NKAIN3: variants seen among roughly 807,000 people sequenced by gnomAD.
NKAIN3 encodes the protein sodium/potassium-transporting ATPase subunit beta-1-interacting protein 3.
Under a neutral mutation model 30.2 loss-of-function variants are expected in NKAIN3, and 25 were observed. That is an observed-to-expected ratio of 0.83 (90% CI 0.60 to 1.16). The LOEUF (loss-of-function observed/expected upper bound fraction) is 1.16, where lower values mean the gene tolerates loss of function less well. Among genes scored for constraint, NKAIN3 ranks in the 50% most tolerant of loss-of-function variants. NKAIN3 has a pLI of 0.00. For synonymous variants in NKAIN3, 91 were observed against 89.6 expected (o/e 1.02, Z -0.09); for missense variants, 225 against 254.1 (o/e 0.89, Z 0.78).
At chr8:62,331,070 T>G (rs1158157625) in intron 1 of NKAIN3, among the ~76,000 whole-genome samples, 5 of 148,020 alleles carry the variant, frequency 3.4e-5, no homozygotes, top group Non-Finnish European at 7.4e-5. Flanking sequence ...CTCCTCTCTC[T>G]CTCTCTCTGT....
At chr8:62,713,206 G>A (rs1461771801) in intron 3 of NKAIN3, among the ~76,000 whole-genome samples, 1 of 152,156 alleles carries the variant, frequency 6.6e-6, no homozygotes, top group Non-Finnish European at 1.5e-5. Context: ...TGCCACCAGG[G>A]TGCACACACA....
intron 4 of NKAIN3, among the ~76,000 whole-genome samples, chr8:62,917,363 G>A (rs1458783607): frequency 4.6e-5 from 7 of 152,284 alleles, no homozygotes; most frequent in African/African-American, 1.7e-4. Context: ...GTGCCCGCTG[G>A]GTGGGAGGAA....
intron 3 of NKAIN3, among the ~76,000 whole-genome samples, chr8:62,737,218 G>A (rs898522892): frequency 6.6e-6 from 1 of 152,172 alleles, no homozygotes; most frequent in Non-Finnish European, 1.5e-5. Context: ...AGTTGTGCCT[G>A]CTGTCTGCCA....
intron 4 of NKAIN3, among the ~76,000 whole-genome samples, chr8:62,830,346 T>C (rs1819158033): frequency 6.6e-6 from 1 of 152,146 alleles, no homozygotes. Context: ...TTTCCCTTTA[T>C]ACTCAATATG....
chr8:62,677,555 C>T (rs944192946), intron 3 of NKAIN3, among the ~76,000 whole-genome samples: 3 of 152,152 alleles, frequency 2.0e-5, no homozygotes, highest in African/African-American at 7.2e-5. Flanking sequence ...ACTGTAGTCC[C>T]CTGTGTCCTC....
chr8:62,729,043 A>AC (rs773430955), intron 3 of NKAIN3, among the ~76,000 whole-genome samples: 25 of 128,686 alleles, frequency 1.9e-4, no homozygotes, highest in African/African-American at 7.2e-4. Context: ...AAAAAAACAA[A>AC]AAAAAAAAAC....
chr8:62,827,779 A>G (rs952994344), intron 4 of NKAIN3, among the ~76,000 whole-genome samples: 1 of 152,182 alleles, frequency 6.6e-6, no homozygotes, highest in African/African-American at 2.4e-5. Context: ...TGGCAATACA[A>G]TTTCTAATAA....
chr8:62,936,780 T>C (rs937309999), intron 5 of NKAIN3, among the ~76,000 whole-genome samples: 4 of 152,160 alleles, frequency 2.6e-5, no homozygotes, highest in African/African-American at 7.2e-5. Context: ...CATATGTTTA[T>C]TCTGCTAAAA....
At chr8:62,413,878 A>G (rs551435266) in intron 1 of NKAIN3, among the ~76,000 whole-genome samples, 202 of 152,238 alleles carry the variant, frequency 1.3e-3, no homozygotes, top group African/African-American at 4.7e-3. Flanking sequence ...TTTTATTGCC[A>G]TATGCTTTCA....
intron 1 of NKAIN3, among the ~76,000 whole-genome samples, chr8:62,487,664 C>A (rs1191657330): frequency 6.6e-6 from 1 of 151,938 alleles, no homozygotes; most frequent in Non-Finnish European, 1.5e-5. Flanking sequence ...AATATAATCA[C>A]AAAATTGTTG....
chr8:62,990,399 G>GT (rs138702093), intron 5 of NKAIN3: 104,296 of 1,180,738 alleles, frequency 0.088, 3,643 homozygotes, highest in South Asian at 0.16. Flanking sequence ...AAAAGCATAG[G>GT]TTTTTTTTTA....
At chr8:62,303,591 A>G (rs1270261757) in intron 1 of NKAIN3, among the ~76,000 whole-genome samples, 2 of 150,634 alleles carry the variant, frequency 1.3e-5, no homozygotes, top group African/African-American at 5.0e-5. Flanking sequence ...AAAGAATAGC[A>G]TTGACAGACA....
At chr8:62,606,702 T>A (rs1811143355) in intron 3 of NKAIN3, among the ~76,000 whole-genome samples, 2 of 152,192 alleles carry the variant, frequency 1.3e-5, no homozygotes, top group African/African-American at 4.8e-5. Flanking sequence ...TTTGTAGATA[T>A]AATTCATCAT....
At chr8:62,920,171 G>A (rs2130859825) in intron 5 of NKAIN3, among the ~76,000 whole-genome samples, 1 of 152,302 alleles carries the variant, frequency 6.6e-6, no homozygotes, top group Admixed American at 6.5e-5. Context: ...AAAGTTATTG[G>A]AATTTGAGCT....
intron 4 of NKAIN3, among the ~76,000 whole-genome samples, chr8:62,853,865 T>C (rs1176606942): frequency 1.3e-5 from 2 of 152,200 alleles, no homozygotes; most frequent in African/African-American, 4.8e-5. Context: ...TTGACACTGC[T>C]TTATCTACAT....
At chr8:62,326,916 C>T (rs193001953) in intron 1 of NKAIN3, among the ~76,000 whole-genome samples, 4 of 152,060 alleles carry the variant, frequency 2.6e-5, no homozygotes, top group African/African-American at 7.2e-5. Context: ...TTTACGTTGC[C>T]GCCGACAGGG....
At chr8:62,273,757 G>A (rs1420245146) in intron 1 of NKAIN3, among the ~76,000 whole-genome samples, 1 of 152,140 alleles carries the variant, frequency 6.6e-6, no homozygotes, top group African/African-American at 2.4e-5. Flanking sequence ...GCCCAGCCCT[G>A]TACCCTCTTA....
chr8:62,939,875 AC>A (rs546995444), intron 5 of NKAIN3, among the ~76,000 whole-genome samples: 278 of 152,270 alleles, frequency 1.8e-3, no homozygotes, highest in African/African-American at 6.0e-3. Flanking sequence ...TCAGGCAACA[AC>A]TAGCATGATG....
At chr8:62,845,538 G>C (rs960938362) in intron 4 of NKAIN3, among the ~76,000 whole-genome samples, 2 of 151,778 alleles carry the variant, frequency 1.3e-5, no homozygotes, top group African/African-American at 2.4e-5. Flanking sequence ...AAGAGGATTG[G>C]ATCAGGATTG....
Sources: allele counts gnomAD v4.1 joint callset (sites outside exome capture counted in the v4.1 genomes callset), GRCh38; gene constraint gnomAD v4.1.1; transcripts MANE v1.5; gene names NCBI Gene and HGNC (gene_info 2026-07-23, HGNC 2026-07-21).